ERI1: variants seen among roughly 807,000 people sequenced by gnomAD.
The protein encoded by ERI1 is 3'-5' exoribonuclease 1.
In ERI1, 39 loss-of-function variants were observed where a neutral mutation model predicts 39.7. That is an observed-to-expected ratio of 0.98 (90% confidence interval 0.76 to 1.28). The LOEUF (loss-of-function observed/expected upper bound fraction) is 1.28, where lower values mean the gene tolerates loss of function less well. Ranked by LOEUF, ERI1 falls within the 50% of genes most tolerant of loss-of-function variation. ERI1 has a pLI of 0.00. For synonymous variants in ERI1, 204 were observed against 149.6 expected, an observed-to-expected ratio of 1.36 and a Z score of -2.65; for missense variants, 581 against 416.9, an observed-to-expected ratio of 1.39 and a Z score of -3.43.
chr8:9,063,432 A>C (rs1027366208), intron 3 of ERI1, among the ~76,000 whole-genome samples: 1 of 152,202 alleles, frequency 6.6e-6, no homozygotes, highest in Admixed American at 6.5e-5. Flanking sequence ...ACTGTAAGCC[A>C]GACCGGGTGT....
At chr8:9,006,525 A>G (rs577923822) in intron 1 of ERI1, among the ~76,000 whole-genome samples, 15 of 152,306 alleles carry the variant, frequency 9.8e-5, no homozygotes, top group African/African-American at 3.4e-4. Context: ...TTAACCTGAA[A>G]TTTACTAAAT....
intron 3 of ERI1, among the ~76,000 whole-genome samples, chr8:9,070,684 G>C (rs1041712744): frequency 6.6e-6 from 1 of 152,214 alleles, no homozygotes; most frequent in Non-Finnish European, 1.5e-5. Context: ...TTACGCAGTG[G>C]AGTCCATCCT....
Position 9,004,886 on chromosome 8 carries a change from C to G in ERI1, c.108+1715C>G, listed in dbSNP as rs1267651965. On this transcript the variant is annotated intron_variant, in intron 1 of 6. Transcript: ENST00000250263. ...TATTTTTAGTAGAGATGGGGTTTCA[C>G]CATGTTGGCCATGCTGGTCTGGAAC... Among the ~76,000 whole-genome samples, 3 of 151,974 alleles carry G rather than the reference C, an allele frequency of 2.0e-5. No homozygotes were observed. In the East Asian group the frequency reaches 5.8e-4, roughly 29 times the overall value.
chr8:9,036,719 A>G (rs1358240441), downstream of ERI1, among the ~76,000 whole-genome samples: 1 of 152,094 alleles, frequency 6.6e-6, no homozygotes, highest in Non-Finnish European at 1.5e-5. Flanking sequence ...GTAAAAGAAC[A>G]AAAGAGGAGC....
At chr8:9,020,878 T>C (rs1371173560) in intron 6 of ERI1, among the ~76,000 whole-genome samples, 1 of 152,252 alleles carries the variant, frequency 6.6e-6, no homozygotes, top group Non-Finnish European at 1.5e-5. Flanking sequence ...GTTCCTGTTC[T>C]GAGGCAAACA....
At chr8:9,027,892 T>A (rs2117290116) in intron 6 of ERI1, among the ~76,000 whole-genome samples, 1 of 152,364 alleles carries the variant, frequency 6.6e-6, no homozygotes, top group South Asian at 2.1e-4. Flanking sequence ...TTTTAAATGT[T>A]GAGCCATCCT....
At chr8:9,037,748 C>T (rs1017353124), downstream of ERI1, among the ~76,000 whole-genome samples, 3 of 152,012 alleles carry the variant, frequency 2.0e-5, no homozygotes, top group African/African-American at 7.2e-5. Flanking sequence ...TTTTACTGTG[C>T]ACCATAAATA....
chr8:9,005,768 A>C (rs1033494330), intron 1 of ERI1, among the ~76,000 whole-genome samples: 1 of 152,216 alleles, frequency 6.6e-6, no homozygotes, highest in Non-Finnish European at 1.5e-5. Flanking sequence ...TGCTGGGATT[A>C]CAGGCGTGAG....
intron 3 of ERI1, among the ~76,000 whole-genome samples, chr8:9,096,529 A>C (rs1176811068): frequency 6.6e-6 from 1 of 152,020 alleles, no homozygotes; most frequent in Non-Finnish European, 1.5e-5. Context: ...TGGACTGTGA[A>C]AGGGCTCACT....
chr8:9,027,136 G>GGTTGTGT (rs1554519659), intron 6 of ERI1, among the ~76,000 whole-genome samples: 2 of 137,502 alleles, frequency 1.5e-5, no homozygotes, highest in African/African-American at 2.8e-5. Context: ...GTTATTTTCT[G>GGTTGTGT]GTGTGTGTGT....
intron 3 of ERI1, among the ~76,000 whole-genome samples, chr8:9,081,834 C>A (rs915109998): frequency 6.6e-6 from 1 of 151,984 alleles, no homozygotes; most frequent in African/African-American, 2.4e-5. Context: ...AGAGAGGGAA[C>A]CCCCACAACT....
At position 9,029,932 on chromosome 8, in the gene ERI1, C is replaced by T. The variant is rs1173622586; in HGVS notation, c.948C>T (p.Leu316=). 6.2e-7 allele frequency: 1 copy of T among 1,614,114 alleles called. No individual in the cohort carries two copies. The highest frequency in any genetic ancestry group is 1.1e-5 in the South Asian group (1 of 91,086). ...AVRMLQDGCE[L]RINEKMHAGQ... The stretch of plus-strand genomic sequence containing the variant: ...GAATGCTTCAGGATGGGTGTGAACT[C>T]CGAATCAACGAGAAAATGCATGCAG... Residue 316 remains leucine, a synonymous_variant, in exon 7 of 7, where the codon CTC becomes CTT. Transcript: ENST00000250263.
At chr8:9,072,238 G>T (rs553416412) in intron 3 of ERI1, among the ~76,000 whole-genome samples, 1 of 152,178 alleles carries the variant, frequency 6.6e-6, no homozygotes, top group African/African-American at 2.4e-5. Flanking sequence ...TGAGGTTGCC[G>T]TGTTGAGTCT....
At chr8:9,078,904 T>C (rs991477597) in intron 3 of ERI1, among the ~76,000 whole-genome samples, 2 of 152,148 alleles carry the variant, frequency 1.3e-5, no homozygotes, top group Admixed American at 1.3e-4. Flanking sequence ...CAAACCTCAA[T>C]TCTCAGAGGA....
chr8:9,044,963 C>A (rs1479558040), intron 3 of ERI1, among the ~76,000 whole-genome samples: 1 of 152,016 alleles, frequency 6.6e-6, no homozygotes, highest in African/African-American at 2.4e-5. Context: ...TATTGCCAGG[C>A]GTGGTGGCTC....
chr8:9,005,071 C>T (rs1384651726), intron 1 of ERI1, among the ~76,000 whole-genome samples: 1 of 152,090 alleles, frequency 6.6e-6, no homozygotes, highest in Non-Finnish European at 1.5e-5. Context: ...TGCTAGTTGT[C>T]TTTGTAAACT....
chr8:9,014,079 T>G (rs959317321), intron 3 of ERI1, among the ~76,000 whole-genome samples: 1 of 152,210 alleles, frequency 6.6e-6, no homozygotes, highest in Non-Finnish European at 1.5e-5. Flanking sequence ...GGCTCCTCAT[T>G]TAACTCAGAG....
chr8:9,045,355 C>G (rs969226120), intron 3 of ERI1, among the ~76,000 whole-genome samples: 5 of 152,068 alleles, frequency 3.3e-5, no homozygotes, highest in African/African-American at 1.2e-4. Context: ...CCCCATCCCA[C>G]TTACGTATAC....
At chr8:9,063,304 C>A (rs183319890) in intron 3 of ERI1, among the ~76,000 whole-genome samples, 11 of 152,248 alleles carry the variant, frequency 7.2e-5, no homozygotes, top group African/African-American at 2.4e-4. Context: ...TAAACACTAA[C>A]TGATTTGGGA....
Sources: allele counts gnomAD v4.1 joint callset (sites outside exome capture counted in the v4.1 genomes callset), GRCh38; gene constraint gnomAD v4.1.1; transcripts MANE v1.5; gene names NCBI Gene and HGNC (gene_info 2026-07-23, HGNC 2026-07-21).